The following BBOF1 variants were observed in gnomAD, a reference collection of about 807,000 sequenced individuals.
The protein encoded by BBOF1 is basal body-orientation factor 1.
Under a neutral mutation model 68.0 loss-of-function variants are expected in BBOF1, and 62 were observed. The ratio of observed to expected loss-of-function variants is 0.91; its 90% CI spans 0.74 to 1.13. BBOF1 has a LOEUF of 1.13. BBOF1 is among the 50% of genes most tolerant of loss of function. The pLI is 0.00. For missense variants in BBOF1, 534 were observed against 600.1 expected (o/e 0.89, Z 1.15); for synonymous variants, 208 against 198.8 (o/e 1.05, Z -0.39).
chr14:74,064,630 A>C, intron 11 of BBOF1, 58 bp from the exon 12 acceptor site: 1 of 1,563,572 alleles, frequency 6.4e-7, no homozygotes, highest in Non-Finnish European at 8.8e-7. Context: ...TGTTGCTTTG[A>C]ATTATTCAGG....
chr14:74,082,368 A>G (rs2139823077), intron 12 of BBOF1, among the ~76,000 whole-genome samples: 1 of 148,810 alleles, frequency 6.7e-6, no homozygotes, highest in South Asian at 2.1e-4. Flanking sequence ...ATAGTTCTCT[A>G]ATATTCATGG....
At chr14:74,066,279 C>T (rs780602084), downstream of BBOF1, among the ~76,000 whole-genome samples, 53 of 152,000 alleles carry the variant, frequency 3.5e-4, no homozygotes, top group Non-Finnish European at 6.5e-4. Flanking sequence ...TTTTGTACAG[C>T]CCCAAGTTAA....
At chr14:74,050,344 C>G in intron 8 of BBOF1, 149 bp downstream of exon 8, 1 of 852,884 alleles carries the variant, frequency 1.2e-6, no homozygotes, top group East Asian at 2.7e-5. Flanking sequence ...ACTTATTCAT[C>G]TTTGTAATCT....
chr14:74,060,639 T>C (rs1367612068), intron 11 of BBOF1: 18 of 1,601,656 alleles, frequency 1.1e-5, no homozygotes, highest in Non-Finnish European at 1.5e-5. Context: ...AACAAACTTG[T>C]TTCTAACGGC....
chr14:74,042,711 G>A (rs1046796351), intron 5 of BBOF1, among the ~76,000 whole-genome samples: 4 of 152,084 alleles, frequency 2.6e-5, no homozygotes, highest in African/African-American at 9.7e-5. Flanking sequence ...TGGAGACTGA[G>A]GCTCAAGGAT....
intron 9 of BBOF1, among the ~76,000 whole-genome samples, chr14:74,074,599 C>A (rs2060591732): frequency 6.6e-6 from 1 of 152,102 alleles, no homozygotes; most frequent in Admixed American, 6.6e-5. Context: ...AAATGGTGAC[C>A]TACTGTGGTA....
chr14:74,059,224 A>C, intron 11 of BBOF1: 1 of 304,164 alleles, frequency 3.3e-6, no homozygotes, highest in South Asian at 2.8e-5. Context: ...CTACATGAAG[A>C]GTTCTTCATT....
At chr14:74,061,498 T>C (rs541794150) in intron 11 of BBOF1, among the ~76,000 whole-genome samples, 17 of 151,894 alleles carry the variant, frequency 1.1e-4, no homozygotes, top group African/African-American at 4.1e-4. Flanking sequence ...AAGGGCTAAT[T>C]TCAGATTAGC....
chr14:74,071,883 G>T, intron 9 of BBOF1: 1 of 1,613,698 alleles, frequency 6.2e-7, no homozygotes. Context: ...CCCATAAGGG[G>T]CTCCCAGCTT....
chr14:74,046,735 T>G (rs1302165096), intron 6 of BBOF1: 2 of 152,544 alleles, frequency 1.3e-5, no homozygotes, highest in African/African-American at 4.8e-5. Context: ...CTTACCTTTT[T>G]GTTTGATTCT....
chr14:74,022,888 A>T, intron 1 of BBOF1, 28 bp from the exon 2 acceptor site: 1 of 1,297,470 alleles, frequency 7.7e-7, no homozygotes, highest in Non-Finnish European at 1.1e-6. Context: ...AAATAGTCAT[A>T]TACTGTCAAT....
At position 74,072,619 on chromosome 14, in the gene BBOF1, AAAC is replaced by A. The variant is rs752797349; in HGVS notation, n.1380-5574_1380-5572del. 7.8e-6 allele frequency: 12 copies of A among 1,546,064 alleles called. No individual in the cohort carries two copies. The highest frequency in any genetic ancestry group is 7.0e-5 in the South Asian group (6 of 85,470). On this transcript the variant is annotated intron_variant and non_coding_transcript_variant, in intron 9 of 12. Transcript: ENST00000492026. ...GAAGAGCTTTACAGTTGGCTGAAAA[AAAC>A]AAACAAACAAACAAACAAACAAAAA...
At chr14:74,063,723 A>G (rs10129682) in intron 11 of BBOF1, among the ~76,000 whole-genome samples, 78,236 of 150,524 alleles carry the variant, frequency 0.52, 20,982 homozygotes, top group East Asian at 0.9. Context: ...AAAATTAGCC[A>G]AGTGTGGTGG....
intron 2 of BBOF1, among the ~76,000 whole-genome samples, chr14:74,024,388 T>A (rs2059378288): frequency 6.6e-6 from 1 of 152,106 alleles, no homozygotes; most frequent in African/African-American, 2.4e-5. Context: ...CCCAGGAAGT[T>A]GAAGCTGCAG....
rs762992658 is a variant in BBOF1, at chr14:74,056,936, T to A, written c.1419T>A (p.Val473=). Residue 473 remains valine (V), a synonymous_variant, in exon 10 of 12, where the codon GTT becomes GTA. Transcript: ENST00000394009. ...RKYNQSSRPP[V]PDYVVSDSGE... is the part of the protein sequence containing the mutation. Reference sequence around the variant, plus strand: ...ACAACCAGAGTTCTAGGCCTCCAGTTCCAGACTATGTTGTTTCTGACAGTG... The same window carrying A: ...ACAACCAGAGTTCTAGGCCTCCAGTACCAGACTATGTTGTTTCTGACAGTG... The A allele has an allele frequency of 1.2e-6, 2 of 1,613,924 alleles. No individual in the cohort carries two copies. Among genetic ancestry groups the A allele is most frequent in the Non-Finnish European group, 1.7e-6 (2 of 1,179,912 alleles).
Position 74,049,694 on chromosome 14 carries a change from G to A in BBOF1, c.793-8G>A. On this transcript the variant is annotated splice_region_variant and splice_polypyrimidine_tract_variant and intron_variant, in intron 7 of 11. Transcript: ENST00000394009. ...AAAAAAAATCACCTCTCATCTTTCT[G>A]TTTTTAGGAGATCAATGATCTGTTG... 8.2e-6 allele frequency: 13 copies of A among 1,581,706 alleles called. No homozygotes were observed. Among genetic ancestry groups the A allele is most frequent in the Non-Finnish European group, 1.1e-5 (13 of 1,167,108 alleles).
downstream of BBOF1, among the ~76,000 whole-genome samples, chr14:74,066,370 T>C (rs1366127446): frequency 6.6e-6 from 1 of 152,214 alleles, no homozygotes; most frequent in East Asian, 1.9e-4. Flanking sequence ...TCAGTGTCCA[T>C]AAATAACATT....
chr14:74,050,100 TACAGGAAGA>T lies in BBOF1; in HGVS notation c.1196_1204del (p.Gly399_Thr401del). The T allele has an allele frequency of 1.2e-6, 2 of 1,613,490 alleles. No homozygotes were observed. The highest frequency in any genetic ancestry group is 1.7e-6 in the Non-Finnish European group (2 of 1,179,646). ...TCAATTTAAAAATGAGAGCAGCATG[TACAGGAAGA>T]ACAGAATATCCCAAAATCAGAACAT... On this transcript the variant is annotated inframe_deletion, in exon 8 of 12. Coordinates refer to ENST00000394009, the MANE Select transcript of BBOF1 (RefSeq NM_025057.3).
intron 10 of BBOF1, 23 bp downstream of exon 10, chr14:74,057,003 A>C: frequency 2.5e-6 from 4 of 1,599,630 alleles, no homozygotes; most frequent in Non-Finnish European, 3.4e-6. Context: ...TTGCTTAAGT[A>C]ATAAACATGA....
Sources: allele counts gnomAD v4.1 joint callset (sites outside exome capture counted in the v4.1 genomes callset), GRCh38; gene constraint gnomAD v4.1.1; transcripts MANE v1.5; gene names NCBI Gene and HGNC (gene_info 2026-07-23, HGNC 2026-07-21).